Variants in CCDC116 observed in about 807,000 individuals in gnomAD.
The protein encoded by CCDC116 is coiled-coil domain-containing protein 116.
A neutral mutation model predicts 29.4 loss-of-function variants in CCDC116; 24 were observed. That is an observed-to-expected ratio of 0.82 (90% confidence interval 0.59 to 1.15). CCDC116 has a LOEUF of 1.15. CCDC116 is among the 50% of genes most tolerant of loss of function. The probability of loss-of-function intolerance (pLI) is 0.00; values close to 1 mark genes in which losing one functional copy is unlikely to be tolerated. For missense variants in CCDC116, 791 were observed against 804.0 expected, an observed-to-expected ratio of 0.98 and a Z score of 0.20; for synonymous variants, 298 against 331.4, an observed-to-expected ratio of 0.90 and a Z score of 1.10.
At chr22:21,632,986 GGGGGCCAT>G in intron 1 of CCDC116, 126 bp from the exon 2 acceptor site, 1 of 707,708 alleles carries the variant, frequency 1.4e-6, no homozygotes, top group Non-Finnish European at 2.6e-6. Flanking sequence ...GCAGACGCAT[GGGGGCCAT>G]GGAGCAGAGG....
intron 1 of CCDC116, 43 bp from the exon 2 acceptor site, chr22:21,633,077 G>A: frequency 2.3e-6 from 2 of 878,892 alleles, no homozygotes; most frequent in Non-Finnish European, 1.9e-6. Context: ...ACAGATGCGT[G>A]GACCTATTGG....
Position 21,636,516 on chromosome 22 carries a change from C to G in CCDC116, c.1288C>G (p.Arg430Gly), listed in dbSNP as rs576842300. ...GTCCAGCATGTCTCACTTCTCCAAC[C>G]GCCTTTATGAGGAGCTCGCCGACTT... Reference protein sequence around the residue: ...SKSSMSHFSNRLYEELADFLT... With the variant: ...SKSSMSHFSNGLYEELADFLT... The change falls in exon 5 of 5, where the codon CGC (arginine) becomes GGC (glycine). Residue 430 changes from arginine to glycine, a missense_variant. Arg to Gly is a moderately radical substitution (Grantham distance 125, BLOSUM62 -2). Transcript: ENST00000292779. The G allele has an allele frequency of 5.0e-6, 8 of 1,614,084 alleles. No individual in the cohort carries two copies. Among genetic ancestry groups the G allele is most frequent in the African/African-American group, 1.3e-5 (1 of 75,030 alleles).
Position 21,634,929 on chromosome 22 carries a change from C to G in CCDC116, c.866C>G (p.Pro289Arg), listed in dbSNP as rs962760064. Reference protein sequence around the residue: ...LLSQLESLDLPGYCPLREPHR... With the variant: ...LLSQLESLDLRGYCPLREPHR... ...AGCCAGCTGGAGTCCCTCGACCTGC[C>G]TGGCTACTGTCCGCTCCGTGAGCCC... is the stretch of plus-strand genomic sequence containing the variant. The change falls in exon 4 of 5, where the codon CCT (proline) becomes CGT (arginine). Residue 289 changes from proline (P) to arginine (R), a missense_variant. By Grantham distance (103) the Pro-to-Arg change is moderately radical. Transcript: ENST00000292779. The G allele has an allele frequency of 1.2e-6, 2 of 1,613,930 alleles. No individual in the cohort carries two copies. The highest frequency in any genetic ancestry group is 1.7e-6 in the Non-Finnish European group (2 of 1,180,030).
Position 21,637,302 on chromosome 22 carries a change from G to C in CCDC116, c.*232G>C. 1 of 451,044 alleles carries C rather than the reference G, an allele frequency of 2.2e-6. No homozygotes were observed. The highest frequency in any genetic ancestry group is 3.8e-6 in the Non-Finnish European group (1 of 264,044). The allele number at this position is 451,044 out of a possible 1,614,324, so 27.9% of individuals were successfully genotyped here. On this transcript the variant is annotated 3_prime_UTR_variant, in exon 5 of 5. Transcript: ENST00000292779. ...AAGAAATAGAAATAAAGCCTGTGTTGCTGGGACACAGGTTTGCTGTCCTGA... is the reference window on the plus strand; with the variant it reads ...AAGAAATAGAAATAAAGCCTGTGTTCCTGGGACACAGGTTTGCTGTCCTGA...
chr22:21,636,652 T>C lies in CCDC116; in HGVS notation c.1424T>C (p.Leu475Pro). 6.2e-7 allele frequency: 1 copy of C among 1,614,090 alleles called. No homozygotes were observed. The highest frequency in any genetic ancestry group is 8.5e-7 in the Non-Finnish European group (1 of 1,180,016). Residue 475 changes from leucine to proline, a missense_variant, in exon 5 of 5, where the codon CTT (leucine) becomes CCT (proline). By Grantham distance (98) the Leu-to-Pro change is moderately conservative (BLOSUM62 -3). Coordinates refer to ENST00000292779, the MANE Select transcript of CCDC116 (RefSeq NM_152612.3). ...SFPITHVLRD[L>P]SLGLKKVKGS... ...CCCATCACCCACGTGCTCAGGGACCTTTCCCTGGGCTTAAAGAAGGTAAAA... is the reference window on the plus strand; with the variant it reads ...CCCATCACCCACGTGCTCAGGGACCCTTCCCTGGGCTTAAAGAAGGTAAAA...
In CCDC116 at chr22:21,635,180, C is replaced by T; in HGVS notation, c.1117C>T (p.Pro373Ser). 2 of 1,600,852 alleles carry T rather than the reference C, an allele frequency of 1.2e-6. No individual in the cohort carries two copies. The highest frequency in any genetic ancestry group is 2.2e-5 in the South Asian group (2 of 91,088). The change falls in exon 4 of 5, where the codon CCC becomes TCC. Residue 373 changes from proline (P) to serine (S), a missense_variant. Pro to Ser is a moderately conservative substitution (Grantham distance 74). Coordinates refer to ENST00000292779, the MANE Select transcript of CCDC116 (RefSeq NM_152612.3). ...YASPRPTVSS[P>S]KMLQRKRKDR... Reference sequence around the variant, plus strand: ...TTCCCCCCGCCCCACAGTCTCCAGCCCCAAGATGCTTCAGAGAAAACGCAA... The same window carrying T: ...TTCCCCCCGCCCCACAGTCTCCAGCTCCAAGATGCTTCAGAGAAAACGCAA...
chr22:21,634,618 C>T (rs1601462346), intron 3 of CCDC116, 48 bp downstream of exon 3: 1 of 1,569,148 alleles, frequency 6.4e-7, no homozygotes, highest in South Asian at 1.2e-5. Flanking sequence ...CATGGAGAGC[C>T]CAGGGCTAGG....
Position 21,634,673 on chromosome 22 carries a change from C to T in CCDC116, c.622-12C>T, listed in dbSNP as rs1225151348. Reference sequence around the variant, plus strand: ...CTCCTGAACACTTCACAGAGTCACCCTCTTTCTGCAGAAAGGCCTCAGTCA... The same window carrying T: ...CTCCTGAACACTTCACAGAGTCACCTTCTTTCTGCAGAAAGGCCTCAGTCA... On this transcript the variant is annotated splice_polypyrimidine_tract_variant and intron_variant, in intron 3 of 4. Transcript: ENST00000292779. The T allele has an allele frequency of 6.3e-7, 1 of 1,587,958 alleles. No homozygotes were observed. The highest frequency in any genetic ancestry group is 1.1e-5 in the South Asian group (1 of 87,292).
intron 4 of CCDC116, chr22:21,635,942 C>A: frequency 2.6e-6 from 1 of 389,744 alleles, no homozygotes; most frequent in East Asian, 5.1e-5. Context: ...CTGCCTCGAG[C>A]AGGACTCTCC....
In CCDC116 at chr22:21,633,170, CCAGGTG is replaced by C; in HGVS notation, c.-11_-6del. On this transcript the variant is annotated 5_prime_UTR_variant, in exon 2 of 5. Transcript: ENST00000292779. The stretch of plus-strand genomic sequence containing the variant: ...GGTGGGCAGCAGGCCCGGTCACCTG[CCAGGTG>C]ACCACATGGCCAGGTGCCGCCACCA... The C allele has an allele frequency of 1.3e-6, 2 of 1,547,582 alleles. No homozygotes were observed. Among genetic ancestry groups the C allele is most frequent in the East Asian group, 4.9e-5 (2 of 40,966 alleles).
At position 21,637,249 on chromosome 22, in the gene CCDC116, CTG is replaced by C; in HGVS notation, c.*180_*181del. The C allele has an allele frequency of 1.2e-6, 1 of 810,480 alleles. No individual in the cohort carries two copies. The highest frequency in any genetic ancestry group is 1.8e-6 in the Non-Finnish European group (1 of 553,096). 50.2% of individuals were successfully genotyped at this position (810,480 alleles called of 1,614,324 possible). A position where few individuals can be genotyped will look rare whatever the true frequency, so the allele number is the denominator to read the frequency against. ...ACAGGCTGAATGCCCACGAGGAGCTCTGCTGAGACTCTCAAGGGAGCCAGTGA... is the reference window on the plus strand; with the variant it reads ...ACAGGCTGAATGCCCACGAGGAGCTCCTGAGACTCTCAAGGGAGCCAGTGA... On this transcript the variant is annotated 3_prime_UTR_variant, in exon 5 of 5. Coordinates refer to ENST00000292779, the MANE Select transcript of CCDC116 (RefSeq NM_152612.3).
Position 21,634,789 on chromosome 22 carries a change from C to T in CCDC116, c.726C>T (p.Phe242=). Residue 242 remains phenylalanine, a synonymous_variant, in exon 4 of 5, where the codon TTC becomes TTT. Transcript: ENST00000292779. ...CACAGGAGCAGCCCTTGTCCTGGTT[C>T]TCAGGGCTGCTGGGCTCAAGCTCTG... is the stretch of plus-strand genomic sequence containing the variant. ...QWTQEQPLSW[F]SGLLGSSSGV... 6.2e-7 allele frequency: 1 copy of T among 1,614,020 alleles called. No homozygotes were observed. Among genetic ancestry groups the T allele is most frequent in the Admixed American group, 1.7e-5 (1 of 60,026 alleles).
rs1930601074 is a variant in CCDC116 at position 21,632,785 on chromosome 22, G to A, written c.-105G>A. ...GCACTGTGCAGCTGCTCCAGTGAGG[G>A]CGCAGACTGTACTGGCCTGTGCGGA... On this transcript the variant is annotated 5_prime_UTR_variant, in exon 1 of 5. Transcript: ENST00000292779. The A allele has an allele frequency of 2.7e-6, 1 of 365,646 alleles. No homozygotes were observed. 22.7% of individuals were successfully genotyped at this position (365,646 alleles called of 1,614,324 possible).
Position 21,634,556 on chromosome 22 carries a change from C to A in CCDC116, c.607C>A (p.Leu203Met). 1 of 1,602,700 alleles carries A rather than the reference C, an allele frequency of 6.2e-7. No homozygotes were observed. Among genetic ancestry groups the A allele is most frequent in the Non-Finnish European group, 8.5e-7 (1 of 1,172,398 alleles). Residue 203 changes from leucine (L) to methionine (M), a missense_variant, in exon 3 of 5, where the codon CTG becomes ATG. Leu to Met is a conservative substitution (Grantham distance 15). Coordinates refer to ENST00000292779, the MANE Select transcript of CCDC116 (RefSeq NM_152612.3). ...LEKNLKRLLQ[L>M]EREGKGLSQS... ...GAAGAACCTCAAGCGGCTGCTACAGCTGGAGAGGGAAGGGGTGAGAGCCAG... is the reference window on the plus strand; with the variant it reads ...GAAGAACCTCAAGCGGCTGCTACAGATGGAGAGGGAAGGGGTGAGAGCCAG...
In CCDC116 at chr22:21,635,203, C is replaced by G. The variant is rs1287537739; in HGVS notation, c.1140C>G (p.Arg380=). The part of the protein sequence containing the change: ...VSSPKMLQRK[R]KDRGGSPSMS... ...GCCCCAAGATGCTTCAGAGAAAACG[C>G]AAGGACAGAGGAGGCTCCCCCTCCA... Residue 380 remains arginine (R), a synonymous_variant, in exon 4 of 5, where the codon CGC becomes CGG. Transcript: ENST00000292779. The G allele has an allele frequency of 3.7e-6, 6 of 1,600,252 alleles. No individual in the cohort carries two copies. Among genetic ancestry groups the G allele is most frequent in the South Asian group, 1.1e-5 (1 of 91,084 alleles).
chr22:21,636,037 C>T (rs115180454), intron 4 of CCDC116, among the ~76,000 whole-genome samples: 2,471 of 152,304 alleles, frequency 0.016, 59 homozygotes, highest in African/African-American at 0.055. Context: ...GTCTCCAGCA[C>T]GGTCCCTCGA....
At chr22:21,633,394 TCTC>T in intron 2 of CCDC116, 141 bp downstream of exon 2, 2 of 644,324 alleles carry the variant, frequency 3.1e-6, no homozygotes, top group Non-Finnish European at 2.7e-6. Context: ...TGCCTTGACT[TCTC>T]CTATGTCCCC....
Position 21,634,956 on chromosome 22 carries a change from A to C in CCDC116, c.893A>C (p.His298Pro). The C allele has an allele frequency of 6.2e-7, 1 of 1,613,356 alleles. No homozygotes were observed. Among genetic ancestry groups the C allele is most frequent in the Non-Finnish European group, 8.5e-7 (1 of 1,180,026 alleles). Residue 298 changes from histidine (H) to proline (P), a missense_variant, in exon 4 of 5, where the codon CAT becomes CCT. Physicochemically the swap from His to Pro is moderately conservative, Grantham distance 77. Transcript: ENST00000292779. Reference protein sequence around the residue: ...LPGYCPLREPHRTLNFLADHR... With the variant: ...LPGYCPLREPPRTLNFLADHR... Reference sequence around the variant, plus strand: ...GGCTACTGTCCGCTCCGTGAGCCCCATCGCACGCTGAACTTCCTGGCTGAC... The same window carrying C: ...GGCTACTGTCCGCTCCGTGAGCCCCCTCGCACGCTGAACTTCCTGGCTGAC...
rs144130356 is a variant in CCDC116 at position 21,636,220 on chromosome 22, T to C, written c.1204-212T>C. On this transcript the variant is annotated intron_variant, in intron 4 of 4. Coordinates refer to ENST00000292779, the MANE Select transcript of CCDC116 (RefSeq NM_152612.3). ...TGTGATGGCGAGGTGAGCATGAGAG[T>C]GGGCAGTTGAGTGCAACAGCATAGC... Among the ~76,000 whole-genome samples, 37 of 152,164 alleles carry C rather than the reference T, an allele frequency of 2.4e-4. No homozygotes were observed. The East Asian group carries it at 6.8e-3, about 28-fold the overall frequency.
Sources: gnomAD v4.1 joint callset for allele counts (sites outside exome capture counted in the v4.1 genomes callset) on GRCh38, gnomAD v4.1.1 for gene constraint, MANE v1.5 for transcripts, NCBI Gene and HGNC (gene_info 2026-07-23, HGNC 2026-07-21) for gene names.